COL16A1: variants seen among roughly 807,000 people sequenced by gnomAD.
The protein encoded by COL16A1 is collagen type XVI alpha 1 chain.
COL16A1 carries 189 observed loss-of-function variants against 266.3 expected under a neutral mutation model. That is an observed-to-expected ratio of 0.71 (90% confidence interval 0.63 to 0.80). COL16A1 has a LOEUF of 0.80. COL16A1 is among the 30% of genes least tolerant of loss of function. The pLI, the probability that COL16A1 is intolerant of heterozygous loss-of-function variation, is 0.00. For synonymous variants in COL16A1, 740 were observed against 782.3 expected (o/e 0.95, Z 0.90); for missense variants, 1,928 against 2,122.4 (o/e 0.91, Z 1.80).
chr1:31,702,861 T>C (rs528994805), intron 1 of COL16A1, among the ~76,000 whole-genome samples: 2 of 152,234 alleles, frequency 1.3e-5, no homozygotes, highest in East Asian at 3.9e-4. Context: ...AGGACCTCAT[T>C]GCCAGCCACC....
intron 55 of COL16A1, 110 bp from the exon 56 acceptor site, chr1:31,665,344 T>C (rs1293001846): frequency 4.0e-6 from 6 of 1,494,856 alleles, no homozygotes. Flanking sequence ...TCATTTTGAC[T>C]TCCTAGAAGC....
At chr1:31,693,185 C>T (rs535282473) in intron 12 of COL16A1, 31 bp from the exon 13 acceptor site, 21 of 1,450,632 alleles carry the variant, frequency 1.4e-5, no homozygotes, top group Middle Eastern at 3.5e-4. Flanking sequence ...GAAGATAGGA[C>T]CAGAGGGGGC....
chr1:31,661,401 C>T lies in COL16A1; in HGVS notation c.3771+13G>A. Reference sequence around the variant, plus strand: ...CAGAGATAACCTGCTTGGCAGAGGTCACCAGCCCTTACCTTAGGTCCTGGG... The same window carrying T: ...CAGAGATAACCTGCTTGGCAGAGGTTACCAGCCCTTACCTTAGGTCCTGGG... On this transcript the variant is annotated intron_variant, in intron 60 of 70. Coordinates refer to ENST00000373672, the MANE Select transcript of COL16A1 (RefSeq NM_001856.4). 4 of 1,613,972 alleles carry T rather than the reference C, an allele frequency of 2.5e-6. No individual in the cohort carries two copies. Among genetic ancestry groups the T allele is most frequent in the Non-Finnish European group, 3.4e-6 (4 of 1,179,996 alleles).
Position 31,659,356 on chromosome 1 carries a change from C to T in COL16A1, c.3880-392G>A, listed in dbSNP as rs560422019. 3.3e-5 allele frequency among the ~76,000 whole-genome samples: 5 copies of T among 152,232 alleles called. No homozygotes were observed. The East Asian group carries it at 9.6e-4, about 29-fold the overall frequency. On this transcript the variant is annotated intron_variant, in intron 62 of 70. Transcript: ENST00000373672. ...CTGCTGTTCTATGGAGGAGGGAAGACCAGAAGCTGGGGGTCCGTGTAGCAG... is the reference window on the plus strand; with the variant it reads ...CTGCTGTTCTATGGAGGAGGGAAGATCAGAAGCTGGGGGTCCGTGTAGCAG...
At chr1:31,671,479 A>G in intron 48 of COL16A1, 136 bp downstream of exon 48, 1 of 1,048,584 alleles carries the variant, frequency 9.5e-7, no homozygotes. Context: ...TGCTCTGCGG[A>G]GGGATGGGGA....
chr1:31,659,206 G>A (rs1173169448), intron 62 of COL16A1, among the ~76,000 whole-genome samples: 1 of 152,230 alleles, frequency 6.6e-6, no homozygotes, highest in Non-Finnish European at 1.5e-5. Flanking sequence ...ATCTGGGGCT[G>A]TGCTGAGGGG....
chr1:31,674,195 A>G (rs1642980625), intron 44 of COL16A1, among the ~76,000 whole-genome samples: 1 of 152,124 alleles, frequency 6.6e-6, no homozygotes, highest in South Asian at 2.1e-4. Context: ...TGTCCAGGGC[A>G]CTAATTAGCC....
intron 12 of COL16A1, 121 bp downstream of exon 12, chr1:31,694,023 C>T: frequency 1.1e-6 from 1 of 873,654 alleles, no homozygotes; most frequent in Non-Finnish European, 1.8e-6. Context: ...ACTTAATCAC[C>T]CTACACACAT....
intron 60 of COL16A1, 104 bp downstream of exon 60, chr1:31,661,310 T>A (rs1557614980): frequency 1.3e-6 from 2 of 1,582,846 alleles, no homozygotes; most frequent in Non-Finnish European, 1.7e-6. Context: ...GAGGCTCTGA[T>A]GCTGGGATGG....
chr1:31,665,162 T>A lies in COL16A1; in HGVS notation c.3555+10A>T. 2 of 1,606,210 alleles carry A rather than the reference T, an allele frequency of 1.2e-6. No homozygotes were observed. Among genetic ancestry groups the A allele is most frequent in the Non-Finnish European group, 1.7e-6 (2 of 1,177,828 alleles). ...GATCTGTGACTTTGCCAACCCAGGGTCCTGCTCACCTTCTCTGCTTGAGGG... is the reference window on the plus strand; with the variant it reads ...GATCTGTGACTTTGCCAACCCAGGGACCTGCTCACCTTCTCTGCTTGAGGG... On this transcript the variant is annotated intron_variant, in intron 56 of 70. Coordinates refer to ENST00000373672, the MANE Select transcript of COL16A1 (RefSeq NM_001856.4).
Position 31,658,905 on chromosome 1 carries a change from G to A in COL16A1, c.3930+9C>T. On this transcript the variant is annotated intron_variant, in intron 63 of 70. Coordinates refer to ENST00000373672, the MANE Select transcript of COL16A1 (RefSeq NM_001856.4). ...TGGGAGGGAGGAAGGAGTGGAGCAT[G>A]TTACTCACCACTGCAGAGATCCCAG... 2 of 1,552,752 alleles carry A rather than the reference G, an allele frequency of 1.3e-6. No individual in the cohort carries two copies. The highest frequency in any genetic ancestry group is 8.7e-7 in the Non-Finnish European group (1 of 1,147,602).
chr1:31,684,448 C>A, intron 31 of COL16A1, 75 bp downstream of exon 31: 1 of 1,564,422 alleles, frequency 6.4e-7, no homozygotes, highest in Non-Finnish European at 8.7e-7. Flanking sequence ...CCCTGCAGTC[C>A]TTCCCTCACT....
At position 31,679,864 on chromosome 1, in the gene COL16A1, G is replaced by T. The variant is rs749311071; in HGVS notation, c.2671-13C>A. On this transcript the variant is annotated splice_polypyrimidine_tract_variant and intron_variant, in intron 40 of 70. Coordinates refer to ENST00000373672, the MANE Select transcript of COL16A1 (RefSeq NM_001856.4). The stretch of plus-strand genomic sequence containing the variant: ...GTCCCGGAGCACCCTGGGTGGGAGT[G>T]GGGGTCGCAAAAGAAGGGGAGAGGT... 5 of 1,508,088 alleles carry T rather than the reference G, an allele frequency of 3.3e-6. No individual in the cohort carries two copies. The Admixed American group carries it at 6.9e-5, about 21-fold the overall frequency. The allele number at this position is 1,508,088 out of a possible 1,614,324, so 93.4% of individuals were successfully genotyped here. A position where few individuals can be genotyped will look rare whatever the true frequency, so the allele number is the denominator to read the frequency against.
rs189965363 is a variant in COL16A1 at position 31,700,029 on chromosome 1, T to C, written c.148+12A>G. 1.0e-4 allele frequency: 169 copies of C among 1,613,980 alleles called. 1 individual carries two copies. The African/African-American group carries it at 2.1e-3, about 20-fold the overall frequency. On this transcript the variant is annotated intron_variant, in intron 3 of 70. Coordinates refer to ENST00000373672, the MANE Select transcript of COL16A1 (RefSeq NM_001856.4). ...TTGCAGGGACGGCGCGATGAGATGG[T>C]TGGGTGCTCACCAGTCACGTTGGCT...
intron 11 of COL16A1, among the ~76,000 whole-genome samples, chr1:31,694,614 G>A (rs1369891087): frequency 1.3e-5 from 2 of 152,218 alleles, no homozygotes; most frequent in African/African-American, 2.4e-5. Flanking sequence ...AATGTGGCAG[G>A]TCAACTCAGA....
chr1:31,682,146 C>T (rs1399657586), intron 37 of COL16A1, among the ~76,000 whole-genome samples: 2 of 152,212 alleles, frequency 1.3e-5, no homozygotes, highest in African/African-American at 4.8e-5. Flanking sequence ...TGGTAAAATT[C>T]TAGCGGGTTC....
At chr1:31,684,905 A>C in intron 29 of COL16A1, 49 bp from the exon 30 acceptor site, 1 of 1,611,390 alleles carries the variant, frequency 6.2e-7, no homozygotes, top group South Asian at 1.1e-5. Flanking sequence ...CAGCCACCCC[A>C]AAGTGCCCGG....
Position 31,684,091 on chromosome 1 carries a change from G to A in COL16A1, c.2283+18C>T, listed in dbSNP as rs372492352. 116 of 1,604,034 alleles carry A rather than the reference G, an allele frequency of 7.2e-5. 1 individual carries two copies. Among genetic ancestry groups the A allele is most frequent in the African/African-American group, 6.7e-4 (50 of 74,798 alleles). On this transcript the variant is annotated intron_variant, in intron 32 of 70. Coordinates refer to ENST00000373672, the MANE Select transcript of COL16A1 (RefSeq NM_001856.4). ...GGCAAAGCCCAGGCAGGGAAGGGCCGGAGGGCAGGCAACTCACGGGTTTAC... is the reference window on the plus strand; with the variant it reads ...GGCAAAGCCCAGGCAGGGAAGGGCCAGAGGGCAGGCAACTCACGGGTTTAC...
rs1197476357 is a variant in COL16A1, at chr1:31,700,950, G to A, written c.74-835C>T. ...AGGTGGGCAGCCATGGGCCTCCCTC[G>A]CCCTGGGGCTGACTGAGCAGAAGTG... is the stretch of plus-strand genomic sequence containing the variant. On this transcript the variant is annotated intron_variant, in intron 2 of 70. Transcript: ENST00000373672. Among the ~76,000 whole-genome samples the A allele has an allele frequency of 2.6e-5, 4 of 152,190 alleles. No individual in the cohort carries two copies. In the East Asian group the frequency reaches 5.8e-4, roughly 22 times the overall value.
Sources: allele counts gnomAD v4.1 joint callset (sites outside exome capture counted in the v4.1 genomes callset), GRCh38; gene constraint gnomAD v4.1.1; transcripts MANE v1.5; gene names NCBI Gene and HGNC (gene_info 2026-07-23, HGNC 2026-07-21).